Variants in KIF26B observed in about 807,000 individuals in gnomAD.
KIF26B encodes kinesin family member 26B.
KIF26B carries 63 observed loss-of-function variants against 151.2 expected under a neutral mutation model. That is an observed-to-expected ratio of 0.42 (90% CI 0.34 to 0.51). KIF26B has a LOEUF of 0.51. Among genes scored for constraint, KIF26B ranks in the 20% least tolerant of loss-of-function variants. The pLI is 0.07. For missense variants in KIF26B, 2,813 were observed against 2,913.6 expected (o/e 0.97, Z 0.79); for synonymous variants, 1,357 against 1,262.1 (o/e 1.08, Z -1.59).
rs80315852 is a variant in KIF26B, at chr1:245,258,586, G to A, written c.465+101903G>A. Among the ~76,000 whole-genome samples, 1,310 of 152,284 alleles carry A rather than the reference G, an allele frequency of 8.6e-3. 22 individuals are homozygous for A. The highest frequency in any genetic ancestry group is 0.029 in the African/African-American group (1,222 of 41,558). On this transcript the variant is annotated intron_variant, in intron 2 of 14. Transcript: ENST00000407071. ...CTAAAATGAAAGTTTGTCTTACTGTGATTAGCAACTGGCCCCTTTCCAAAT... is the reference window on the plus strand; with the variant it reads ...CTAAAATGAAAGTTTGTCTTACTGTAATTAGCAACTGGCCCCTTTCCAAAT...
chr1:245,659,916 A>C (rs2044116234), intron 10 of KIF26B, among the ~76,000 whole-genome samples: 2 of 150,406 alleles, frequency 1.3e-5, no homozygotes, highest in Admixed American at 1.3e-4. Context: ...GGCGTGGTGG[A>C]ACATGCCTGT....
In KIF26B at chr1:245,367,014, G is replaced by T. The variant is rs753008235; in HGVS notation, c.646G>T (p.Ala216Ser). The part of the protein sequence containing the change: ...EQAAGSEHYD[A>S]SPCSPPPLSN... ...GGCAGCCGGCAGTGAGCACTACGAC[G>T]CCTCGCCCTGCTCCCCGCCACCGCT... The change falls in exon 3 of 15, where the codon GCC (alanine) becomes TCC (serine). Residue 216 changes from alanine (A) to serine (S), a missense_variant. Ala to Ser is a moderately conservative substitution (Grantham distance 99). Around this residue, in one of 3 missense-constraint regions of KIF26B, gnomAD observed 676 missense variants for 688.1 expected, o/e 0.98. Transcript: ENST00000407071. This position sits in a 1 kb window ranked among gnomAD's most constrained non-coding sequence, Gnocchi z 4.2. 1.9e-6 allele frequency: 3 copies of T among 1,611,864 alleles called. No homozygotes were observed. In the South Asian group the frequency reaches 3.3e-5, roughly 18 times the overall value.
At chr1:245,262,316 TCTTC>T (rs1394300938) in intron 2 of KIF26B, among the ~76,000 whole-genome samples, 1 of 152,242 alleles carries the variant, frequency 6.6e-6, no homozygotes, top group Non-Finnish European at 1.5e-5. Flanking sequence ...GAGAGCTGCT[TCTTC>T]CTTGCTGACT....
At chr1:245,652,510 C>T (rs1042144993) in intron 10 of KIF26B, among the ~76,000 whole-genome samples, 4 of 152,042 alleles carry the variant, frequency 2.6e-5, no homozygotes, top group Admixed American at 6.6e-5. Context: ...CCTTGGCTAG[C>T]GGTATCTTCA....
intron 2 of KIF26B, among the ~76,000 whole-genome samples, chr1:245,194,570 G>T (rs193070574): frequency 0.022 from 3,281 of 152,142 alleles, 124 homozygotes; most frequent in African/African-American, 0.076. Flanking sequence ...TAGAGATGGG[G>T]TTTTGCCATG....
intron 3 of KIF26B, among the ~76,000 whole-genome samples, chr1:245,394,482 G>T (rs1234347368): frequency 1.3e-5 from 2 of 151,942 alleles, no homozygotes; most frequent in Non-Finnish European, 2.9e-5. Context: ...AATTAACCAG[G>T]CGTGGTGGCA....
Position 245,687,108 on chromosome 1 carries a change from G to A in KIF26B, c.4125G>A (p.Thr1375=), listed in dbSNP as rs775336709. The A allele has an allele frequency of 6.8e-6, 11 of 1,613,272 alleles. No homozygotes were observed. Among genetic ancestry groups the A allele is most frequent in the East Asian group, 4.5e-5 (2 of 44,878 alleles). The change falls in exon 12 of 15, where the codon ACG becomes ACA. Residue 1375 remains threonine (T), a synonymous_variant. Transcript: ENST00000407071. This position sits in a 1 kb window ranked among gnomAD's most constrained non-coding sequence, Gnocchi z 4.9. ...VSKAMVTISN[T]ANLSSCEGYI... ...AGGCCATGGTCACCATCTCCAACAC[G>A]GCCAATCTGAGCAGCTGCGAGGGGT...
At chr1:245,520,898 A>G (rs1661087089) in intron 4 of KIF26B, among the ~76,000 whole-genome samples, 1 of 152,192 alleles carries the variant, frequency 6.6e-6, no homozygotes, top group South Asian at 2.1e-4. Flanking sequence ...CTCTAAATTC[A>G]TAAGCTGAAA....
chr1:245,631,884 A>C (rs1218765047), intron 9 of KIF26B, among the ~76,000 whole-genome samples: 1 of 152,026 alleles, frequency 6.6e-6, no homozygotes, highest in Non-Finnish European at 1.5e-5. Flanking sequence ...ATAAGACTCT[A>C]ATCATTTGTA....
rs144180969 is a variant in KIF26B at position 245,547,985 on chromosome 1, T to C, written c.1350+7035T>C. On this transcript the variant is annotated intron_variant, in intron 5 of 14. Transcript: ENST00000407071. ...ACTTTCTCCGTGGAGATCCTGCATT[T>C]CCTACTTCTCTGAACTTCCCCTGCC... Among the ~76,000 whole-genome samples, 1,198 of 152,282 alleles carry C rather than the reference T, an allele frequency of 7.9e-3. 8 individuals are homozygous for C. The highest frequency in any genetic ancestry group is 0.012 in the Non-Finnish European group (793 of 68,012).
At chr1:245,155,618 G>C (rs1047230346) in intron 1 of KIF26B, 131 bp downstream of exon 1, 2 of 751,702 alleles carry the variant, frequency 2.7e-6, no homozygotes, top group Non-Finnish European at 4.2e-6. Context: ...GGGCTGGCGG[G>C]GTTGTGAGTG....
At chr1:245,345,722 T>G (rs1672440454) in intron 2 of KIF26B, among the ~76,000 whole-genome samples, 1 of 152,020 alleles carries the variant, frequency 6.6e-6, no homozygotes, top group African/African-American at 2.4e-5. Flanking sequence ...TACAAGTGTG[T>G]GGCGCCTCCT....
At chr1:245,501,187 G>A (rs1660612867) in intron 4 of KIF26B, among the ~76,000 whole-genome samples, 1 of 152,230 alleles carries the variant, frequency 6.6e-6, no homozygotes. Flanking sequence ...AGAGGACACT[G>A]CAACCAGGCC....
Position 245,632,633 on chromosome 1 carries a change from C to A in KIF26B, c.2099-13488C>A, listed in dbSNP as rs572556036. ...AGCGGAGTGGTGGACCAGGACCAGGCACATTGGCTCACACCTGTAATCCCA... is the reference window on the plus strand; with the variant it reads ...AGCGGAGTGGTGGACCAGGACCAGGAACATTGGCTCACACCTGTAATCCCA... On this transcript the variant is annotated intron_variant, in intron 9 of 14. Transcript: ENST00000407071. 2.0e-5 allele frequency among the ~76,000 whole-genome samples: 3 copies of A among 152,284 alleles called. No homozygotes were observed. In the South Asian group the frequency reaches 6.2e-4, roughly 32 times the overall value.
At chr1:245,399,445 A>G (rs1476122745) in intron 3 of KIF26B, among the ~76,000 whole-genome samples, 1 of 152,236 alleles carries the variant, frequency 6.6e-6, no homozygotes, top group Non-Finnish European at 1.5e-5. Flanking sequence ...ATACAAAAAC[A>G]GATCAGATCC....
Position 245,698,626 on chromosome 1 carries a change from C to A in KIF26B, c.6028-261C>A, listed in dbSNP as rs1349208171. 6.6e-6 allele frequency among the ~76,000 whole-genome samples: 1 copy of A among 152,182 alleles called. No individual in the cohort carries two copies. Among genetic ancestry groups the A allele is most frequent in the Non-Finnish European group, 1.5e-5 (1 of 68,036 alleles). ...AACCTTTGTCCAACTTGAACACCCA[C>A]CACCTGCTTTCTCAACTTAAGAATG... is the stretch of plus-strand genomic sequence containing the variant. On this transcript the variant is annotated intron_variant, in intron 13 of 14. Coordinates refer to ENST00000407071, the MANE Select transcript of KIF26B (RefSeq NM_018012.4). This position sits in a 1 kb window ranked among gnomAD's most constrained non-coding sequence, Gnocchi z 4.0.
chr1:245,364,869 A>G (rs972194185), intron 2 of KIF26B, among the ~76,000 whole-genome samples: 5 of 152,136 alleles, frequency 3.3e-5, no homozygotes, highest in Non-Finnish European at 5.9e-5. Flanking sequence ...GCTTATGTGA[A>G]AAAAAACAAG....
intron 4 of KIF26B, among the ~76,000 whole-genome samples, chr1:245,485,173 A>G (rs1162863456): frequency 6.6e-6 from 1 of 152,140 alleles, no homozygotes; most frequent in Non-Finnish European, 1.5e-5. Context: ...AGGCAAATTC[A>G]TGCAGACAGA....
At chr1:245,351,567 G>A (rs767598685) in intron 2 of KIF26B, among the ~76,000 whole-genome samples, 12 of 152,192 alleles carry the variant, frequency 7.9e-5, no homozygotes, top group Non-Finnish European at 1.5e-4. Context: ...GTGCTTTGAT[G>A]TCTGTGATTC....
Sources: gnomAD v4.1 joint callset for allele counts (sites outside exome capture counted in the v4.1 genomes callset) on GRCh38, gnomAD v4.1.1 for gene constraint, gnomAD v4.1.1 regional missense constraint, Gnocchi (gnomAD v3.1) non-coding constraint, MANE v1.5 for transcripts, NCBI Gene and HGNC (gene_info 2026-07-23, HGNC 2026-07-21) for gene names.